C4orf46: variants seen among roughly 807,000 people sequenced by gnomAD.
The protein encoded by C4orf46 is renal cancer differentiation gene 1 protein.
A neutral mutation model predicts 9.1 loss-of-function variants in C4orf46; 8 were observed. The observed-to-expected ratio is 0.88, with a 90% CI of 0.52 to 1.59. The LOEUF is 1.59. C4orf46 is among the 40% of genes most tolerant of loss of function. C4orf46 has a pLI of 0.00. For missense variants in C4orf46, 151 were observed against 139.1 expected (o/e 1.09, Z -0.43); for synonymous variants, 51 against 58.8 (o/e 0.87, Z 0.61).
rs1439425049 is a variant in C4orf46, at chr4:158,669,579, T to C, written c.*34A>G. On this transcript the variant is annotated 3_prime_UTR_variant, in exon 2 of 2. Coordinates refer to ENST00000379205, the MANE Select transcript of C4orf46 (RefSeq NM_001008393.4). ...AATATGACATAAGAAGTATGAATTA[T>C]TGCAGTCATTATTAAACAACGAAGT... is the stretch of plus-strand genomic sequence containing the variant. The C allele has an allele frequency of 2.5e-6, 4 of 1,603,116 alleles. No individual in the cohort carries two copies. Among genetic ancestry groups the C allele is most frequent in the African/African-American group, 1.3e-5 (1 of 74,776 alleles).
At position 158,671,876 on chromosome 4, in the gene C4orf46, C is replaced by A; in HGVS notation, c.-75G>T. ...CAACTGTCTTTTAACCACTCGCGCC[C>A]AAAGCCGAAAGGCCCCGCCTCCTAA... On this transcript the variant is annotated 5_prime_UTR_variant, in exon 1 of 2. Coordinates refer to ENST00000379205, the MANE Select transcript of C4orf46 (RefSeq NM_001008393.4). 1 of 1,300,212 alleles carries A rather than the reference C, an allele frequency of 7.7e-7. No individual in the cohort carries two copies. Among genetic ancestry groups the A allele is most frequent in the Non-Finnish European group, 1.0e-6 (1 of 974,858 alleles). The allele number at this position is 1,300,212 out of a possible 1,614,324, so 80.5% of individuals were successfully genotyped here.
chr4:158,671,266 G>A (rs1023028199), intron 1 of C4orf46, among the ~76,000 whole-genome samples: 1 of 152,260 alleles, frequency 6.6e-6, no homozygotes, highest in African/African-American at 2.4e-5. Context: ...TGGGAAAGGA[G>A]GAGGCAGAGA....
chr4:158,667,000 T>C lies in C4orf46; in HGVS notation c.*2613A>G, dbSNP rs1773393173. 1 of 152,230 alleles carries C rather than the reference T, an allele frequency of 6.6e-6. No homozygotes were observed. The highest frequency in any genetic ancestry group is 6.5e-5 in the Admixed American group (1 of 15,288). 9.4% of individuals were successfully genotyped at this position (152,230 alleles called of 1,614,324 possible). On this transcript the variant is annotated 3_prime_UTR_variant, in exon 2 of 2. Transcript: ENST00000379205. ...CTTTATCAAAGAAGTTTGTATGGCTTGCTACAGGTAGGAAAGGACAGTTAA... is the reference window on the plus strand; with the variant it reads ...CTTTATCAAAGAAGTTTGTATGGCTCGCTACAGGTAGGAAAGGACAGTTAA...
At position 158,671,699 on chromosome 4, in the gene C4orf46, C is replaced by A; in HGVS notation, c.103G>T (p.Val35Leu). Reference protein sequence around the residue: ...ASAASSPGGPVSLGWPVPSRS... With the variant: ...ASAASSPGGPLSLGWPVPSRS... ...CTCGGAACTGGCCAGCCCAAACTCACTGGGCCGCCCGGGGAAGATGCTGCA... is the reference window on the plus strand; with the variant it reads ...CTCGGAACTGGCCAGCCCAAACTCAATGGGCCGCCCGGGGAAGATGCTGCA... The change falls in exon 1 of 2, where the codon GTG becomes TTG. Residue 35 changes from valine (V) to leucine (L), a missense_variant. By Grantham distance (32) the Val-to-Leu change is conservative (BLOSUM62 1). Coordinates refer to ENST00000379205, the MANE Select transcript of C4orf46 (RefSeq NM_001008393.4). 4 of 1,611,528 alleles carry A rather than the reference C, an allele frequency of 2.5e-6. No individual in the cohort carries two copies. Among genetic ancestry groups the A allele is most frequent in the Non-Finnish European group, 3.4e-6 (4 of 1,178,942 alleles).
At position 158,667,615 on chromosome 4, in the gene C4orf46, ATTGT is replaced by A. The variant is rs1429787895; in HGVS notation, c.*1994_*1997del. 2.0e-5 allele frequency: 3 copies of A among 151,908 alleles called. No homozygotes were observed. The highest frequency in any genetic ancestry group is 4.4e-5 in the Non-Finnish European group (3 of 67,982). 9.4% of individuals were successfully genotyped at this position (151,908 alleles called of 1,614,324 possible). On this transcript the variant is annotated 3_prime_UTR_variant, in exon 2 of 2. Transcript: ENST00000379205. ...TTATAGGAGGAGGCGAGATGGGAGG[ATTGT>A]TTGAGTCCAAGTTTAAGGTTACAGT...
chr4:158,670,312 C>A (rs1773494780), intron 1 of C4orf46, among the ~76,000 whole-genome samples: 1 of 152,108 alleles, frequency 6.6e-6, no homozygotes, highest in African/African-American at 2.4e-5. Context: ...CGTGAGCCAC[C>A]GTGCTTGGCC....
At chr4:158,670,023 C>CTTTTTTTTTTTT (rs767110704) in intron 1 of C4orf46, among the ~76,000 whole-genome samples, 17 of 17,672 alleles carry the variant, frequency 9.6e-4, no homozygotes, top group African/African-American at 1.4e-3. Flanking sequence ...TAGTTGTTTT[C>CTTTTTTTTTTTT]TTTTTTTTTT....
At chr4:158,669,993 TGA>T (rs1773479816) in intron 1 of C4orf46, among the ~76,000 whole-genome samples, 3 of 147,618 alleles carry the variant, frequency 2.0e-5, no homozygotes, top group Admixed American at 6.8e-5. Context: ...CCATTATGTC[TGA>T]GATATGACAA....
At chr4:158,670,600 A>G (rs1773505179) in intron 1 of C4orf46, among the ~76,000 whole-genome samples, 1 of 152,228 alleles carries the variant, frequency 6.6e-6, no homozygotes, top group South Asian at 2.1e-4. Flanking sequence ...TTTCAGCCAA[A>G]CGTTTTCTTC....
rs2150297770 is a variant in C4orf46 at position 158,668,349 on chromosome 4, C to T, written c.*1264G>A. 1 of 152,660 alleles carries T rather than the reference C, an allele frequency of 6.6e-6. No individual in the cohort carries two copies. Among genetic ancestry groups the T allele is most frequent in the African/African-American group, 2.4e-5 (1 of 41,560 alleles). 9.5% of individuals were successfully genotyped at this position (152,660 alleles called of 1,614,324 possible). ...TCACACCCTATGTGTTTATCTTTAA[C>T]TAAAAAAACTAATCAAGAACTATGA... On this transcript the variant is annotated 3_prime_UTR_variant, in exon 2 of 2. Coordinates refer to ENST00000379205, the MANE Select transcript of C4orf46 (RefSeq NM_001008393.4).
chr4:158,669,784 C>G lies in C4orf46; in HGVS notation c.187-16G>C. ...AAAAGGCTGCCTAAAAAAAAAAAGT[C>G]AAACATAATTTTATTTTTAAAATTC... On this transcript the variant is annotated splice_polypyrimidine_tract_variant and intron_variant, in intron 1 of 1. Coordinates refer to ENST00000379205, the MANE Select transcript of C4orf46 (RefSeq NM_001008393.4). 2 of 1,560,524 alleles carry G rather than the reference C, an allele frequency of 1.3e-6. No homozygotes were observed. Among genetic ancestry groups the G allele is most frequent in the Non-Finnish European group, 1.7e-6 (2 of 1,150,658 alleles).
At chr4:158,670,023 C>CTTTTTT (rs767110704) in intron 1 of C4orf46, among the ~76,000 whole-genome samples, 1 of 17,676 alleles carries the variant, frequency 5.7e-5, no homozygotes, top group African/African-American at 1.1e-4. Flanking sequence ...TAGTTGTTTT[C>CTTTTTT]TTTTTTTTTT....
rs1296030774 is a variant in C4orf46, at chr4:158,669,383, A to G, written c.*230T>C. 5 of 386,324 alleles carry G rather than the reference A, an allele frequency of 1.3e-5. No individual in the cohort carries two copies. The highest frequency in any genetic ancestry group is 4.1e-5 in the East Asian group (1 of 24,154). The allele number at this position is 386,324 out of a possible 1,614,324, so 23.9% of individuals were successfully genotyped here. On this transcript the variant is annotated 3_prime_UTR_variant, in exon 2 of 2. Transcript: ENST00000379205. ...GAAGTTAACTTTCATAAAGGATTCT[A>G]TGAAAGTTCAGAGGCATAAAGTATT...
Position 158,669,642 on chromosome 4 carries a change from CT to C in C4orf46, c.312del (p.Gly105AlafsTer5). The C allele has an allele frequency of 6.2e-7, 1 of 1,613,240 alleles. No individual in the cohort carries two copies. Among genetic ancestry groups the C allele is most frequent in the South Asian group, 1.1e-5 (1 of 90,726 alleles). ...TCATCAGGTTTCAAAGAATCATAGC[CT>C]TCTTTCAAGAGGTCCCGCCACGTTT... ...FLKTWRDLLK[E>X]GYDSLKPDD On this transcript the variant is annotated frameshift_variant, in exon 2 of 2. Coordinates refer to ENST00000379205, the MANE Select transcript of C4orf46 (RefSeq NM_001008393.4). LOFTEE classifies it high-confidence loss of function.
In C4orf46 at chr4:158,669,511, A is replaced by C; in HGVS notation, c.*102T>G. ...AAATTTCATTCTGAGTATATACAGA[A>C]CTGCTGGACAGAGGTCATCCTATAT... On this transcript the variant is annotated 3_prime_UTR_variant, in exon 2 of 2. Transcript: ENST00000379205. The C allele has an allele frequency of 8.4e-7, 1 of 1,186,950 alleles. No homozygotes were observed. The highest frequency in any genetic ancestry group is 1.2e-6 in the Non-Finnish European group (1 of 839,570). 73.5% of individuals were successfully genotyped at this position (1,186,950 alleles called of 1,614,324 possible).
Position 158,666,982 on chromosome 4 carries a change from A to T in C4orf46, c.*2631T>A, listed in dbSNP as rs1230342890. The stretch of plus-strand genomic sequence containing the variant: ...TTGGTATCAGGAAAGCATCTTTATC[A>T]AAGAAGTTTGTATGGCTTGCTACAG... On this transcript the variant is annotated 3_prime_UTR_variant, in exon 2 of 2. Transcript: ENST00000379205. 6.6e-6 allele frequency: 1 copy of T among 152,204 alleles called. No homozygotes were observed. Among genetic ancestry groups the T allele is most frequent in the Non-Finnish European group, 1.5e-5 (1 of 68,026 alleles). 9.4% of individuals were successfully genotyped at this position (152,204 alleles called of 1,614,324 possible).
intron 1 of C4orf46, 79 bp from the exon 2 acceptor site, chr4:158,669,847 G>A: frequency 3.3e-6 from 4 of 1,207,202 alleles, no homozygotes; most frequent in Non-Finnish European, 4.6e-6. Flanking sequence ...ATAGCTTAAG[G>A]CTTTGAATCC....
chr4:158,671,956 G>A, upstream of C4orf46: 2 of 609,306 alleles, frequency 3.3e-6, no homozygotes, highest in Non-Finnish European at 2.8e-6. Context: ...CCACAAAGAC[G>A]TTTCATTTTT....
chr4:158,671,765 G>A lies in C4orf46; in HGVS notation c.37C>T (p.Pro13Ser), dbSNP rs1773560920. The A allele has an allele frequency of 1.9e-6, 3 of 1,559,442 alleles. No homozygotes were observed. Among genetic ancestry groups the A allele is most frequent in the East Asian group, 2.4e-5 (1 of 41,558 alleles). The change falls in exon 1 of 2, where the codon CCC becomes TCC. Residue 13 changes from proline (P) to serine (S), a missense_variant. By Grantham distance (74) the Pro-to-Ser change is moderately conservative. Transcript: ENST00000379205. ...DPEELQVSSP[P>S]PPPPSSPSSS... is the part of the protein sequence containing the mutation. ...GAGGGAGAAGAGGGAGGCGGCGGGG[G>A]CGGCGAAGAAACCTGCAACTCCTCA...
Sources: allele counts gnomAD v4.1 joint callset (sites outside exome capture counted in the v4.1 genomes callset), GRCh38; gene constraint gnomAD v4.1.1; transcripts MANE v1.5; gene names NCBI Gene and HGNC (gene_info 2026-07-23, HGNC 2026-07-21).